Variants in C1GALT1 observed in about 807,000 individuals in gnomAD.
C1GALT1 encodes the protein glycoprotein-N-acetylgalactosamine 3-beta-galactosyltransferase 1.
C1GALT1 carries 11 observed loss-of-function variants against 31.0 expected under a neutral mutation model. That is an observed-to-expected ratio of 0.36 (90% CI 0.22 to 0.59). C1GALT1 has a LOEUF of 0.59. Ranked by LOEUF, C1GALT1 falls within the 20% of genes least tolerant of loss-of-function variation. C1GALT1 has a pLI of 0.79. For missense variants in C1GALT1, 424 were observed against 425.2 expected, an observed-to-expected ratio of 1.00 and a Z score of 0.03; for synonymous variants, 175 against 143.6, an observed-to-expected ratio of 1.22 and a Z score of -1.56.
intron 1 of C1GALT1, among the ~76,000 whole-genome samples, chr7:7,215,421 T>C (rs1412055806): frequency 1.3e-5 from 2 of 152,176 alleles, no homozygotes; most frequent in Non-Finnish European, 2.9e-5. Context: ...AAAGCCCGAC[T>C]GGTAAGAAAT....
chr7:7,186,374 A>G (rs981083755), intron 1 of C1GALT1, among the ~76,000 whole-genome samples: 3 of 152,162 alleles, frequency 2.0e-5, no homozygotes, highest in African/African-American at 7.2e-5. Flanking sequence ...ATAGGCAAAA[A>G]TCTCTGTCCT....
chr7:7,187,316 C>G (rs1467855059), intron 1 of C1GALT1, among the ~76,000 whole-genome samples: 2 of 151,644 alleles, frequency 1.3e-5, no homozygotes, highest in Non-Finnish European at 2.9e-5. Context: ...GTGGCGCGAT[C>G]TCAGCTCACT....
intron 1 of C1GALT1, among the ~76,000 whole-genome samples, chr7:7,229,747 A>AT (rs1319803647): frequency 6.6e-6 from 1 of 152,178 alleles, no homozygotes; most frequent in Non-Finnish European, 1.5e-5. Context: ...GCCAACCTGA[A>AT]TGAGGGAAAG....
intron 1 of C1GALT1, among the ~76,000 whole-genome samples, chr7:7,185,639 T>C (rs1780781270): frequency 6.6e-6 from 1 of 152,228 alleles, no homozygotes; most frequent in African/African-American, 2.4e-5. Context: ...TGTCTTCAGA[T>C]GGTGTGCTCC....
At chr7:7,178,852 T>G (rs2128228021), upstream of C1GALT1, among the ~76,000 whole-genome samples, 1 of 152,336 alleles carries the variant, frequency 6.6e-6, no homozygotes, top group East Asian at 1.9e-4. Context: ...ATCCCAAAAC[T>G]TAGTGGCTTA....
intron 2 of C1GALT1, among the ~76,000 whole-genome samples, chr7:7,177,056 A>G (rs1780512216): frequency 6.6e-6 from 1 of 152,242 alleles, no homozygotes; most frequent in Non-Finnish European, 1.5e-5. Context: ...CCACAACAAC[A>G]AACAGTCTGA....
intron 2 of C1GALT1, among the ~76,000 whole-genome samples, chr7:7,164,589 T>C (rs531668705): frequency 3.9e-5 from 6 of 152,076 alleles, no homozygotes; most frequent in Admixed American, 1.3e-4. Flanking sequence ...AGAAGCAGGA[T>C]TGGACAGTGG....
intron 1 of C1GALT1, among the ~76,000 whole-genome samples, chr7:7,186,390 A>G (rs1021809733): frequency 2.0e-5 from 3 of 152,174 alleles, no homozygotes; most frequent in Non-Finnish European, 4.4e-5. Flanking sequence ...GTCCTCATGG[A>G]GCTTACATTC....
rs182469851 is a variant in C1GALT1, at chr7:7,231,755, C to T, written c.-17-2548C>T. Among the ~76,000 whole-genome samples the T allele has an allele frequency of 1.8e-3, 268 of 151,300 alleles. 2 individuals are homozygous for T. The highest frequency in any genetic ancestry group is 2.1e-3 in the East Asian group (11 of 5,142). ...CATCTTGATGCCTGGTTGTTTTGGA[C>T]ATTGTGTATCAAAATTTTGTCCATG... On this transcript the variant is annotated intron_variant, in intron 1 of 3. Transcript: ENST00000436587.
At chr7:7,203,437 A>C (rs550859649) in intron 1 of C1GALT1, among the ~76,000 whole-genome samples, 115 of 152,268 alleles carry the variant, frequency 7.6e-4, no homozygotes, top group African/African-American at 2.7e-3. Context: ...TTCTGCATCA[A>C]TTGAGAGGAC....
intron 1 of C1GALT1, among the ~76,000 whole-genome samples, chr7:7,228,495 T>G (rs1251583827): frequency 6.6e-6 from 1 of 152,180 alleles, no homozygotes; most frequent in African/African-American, 2.4e-5. Context: ...CTGTGTCTTT[T>G]TCCAGTCTAG....
chr7:7,157,583 T>C (rs1230827731), intron 2 of C1GALT1, among the ~76,000 whole-genome samples: 1 of 152,224 alleles, frequency 6.6e-6, no homozygotes, highest in Non-Finnish European at 1.5e-5. Context: ...AGGCACTGAT[T>C]CCGTGTTGCT....
At position 7,243,598 on chromosome 7, in the gene C1GALT1, C is replaced by T. The variant is rs1341466963; in HGVS notation, c.963C>T (p.Tyr321=). Reference sequence around the variant, plus strand: ...CTACAACCATGTATGAGTTAGAATACCTCGTTTATCATCTTCGTCCATATG... The same window carrying T: ...CTACAACCATGTATGAGTTAGAATATCTCGTTTATCATCTTCGTCCATATG... The part of the protein sequence containing the change: ...VDSTTMYELE[Y]LVYHLRPYGY... Residue 321 remains tyrosine (Y), a synonymous_variant, in exon 4 of 4, where the codon TAC becomes TAT. Coordinates refer to ENST00000436587, the MANE Select transcript of C1GALT1 (RefSeq NM_020156.5). The T allele has an allele frequency of 5.6e-6, 9 of 1,612,686 alleles. No individual in the cohort carries two copies. The highest frequency in any genetic ancestry group is 6.8e-6 in the Non-Finnish European group (8 of 1,179,426).
At chr7:7,189,399 C>G (rs1012476522) in intron 1 of C1GALT1, among the ~76,000 whole-genome samples, 2 of 152,106 alleles carry the variant, frequency 1.3e-5, no homozygotes, top group Admixed American at 6.6e-5. Flanking sequence ...GAATACAGGA[C>G]TACCAGTTTT....
At chr7:7,199,195 C>A (rs915212492) in intron 1 of C1GALT1, among the ~76,000 whole-genome samples, 1 of 152,192 alleles carries the variant, frequency 6.6e-6, no homozygotes, top group African/African-American at 2.4e-5. Context: ...TTTCCCTCTA[C>A]ACACTGCTTT....
At chr7:7,182,850 CG>C (rs1554288990) in intron 1 of C1GALT1, 30 bp downstream of exon 1, 1 of 985,342 alleles carries the variant, frequency 1.0e-6, no homozygotes, top group Non-Finnish European at 1.2e-6. Flanking sequence ...CCTCAGGCTA[CG>C]GGTCCAAGGT....
intron 1 of C1GALT1, among the ~76,000 whole-genome samples, chr7:7,202,987 A>C (rs1193208523): frequency 1.3e-5 from 2 of 151,466 alleles, no homozygotes; most frequent in African/African-American, 4.8e-5. Flanking sequence ...TGTAAATGGA[A>C]TTATTACTTC....
chr7:7,242,011 G>A (rs1371823886), intron 3 of C1GALT1, among the ~76,000 whole-genome samples: 1 of 151,912 alleles, frequency 6.6e-6, no homozygotes, highest in African/African-American at 2.4e-5. Flanking sequence ...TAGTCCTTAA[G>A]TTTAATATGC....
At chr7:7,209,503 A>G (rs566524990) in intron 1 of C1GALT1, 4 of 152,358 alleles carry the variant, frequency 2.6e-5, no homozygotes, top group African/African-American at 9.6e-5. Context: ...CTTTGTGCAT[A>G]TAAGTATAGA....
Sources: gnomAD v4.1 joint callset for allele counts (sites outside exome capture counted in the v4.1 genomes callset) on GRCh38, gnomAD v4.1.1 for gene constraint, MANE v1.5 for transcripts, NCBI Gene and HGNC (gene_info 2026-07-23, HGNC 2026-07-21) for gene names.